Variants in NRXN1 observed in about 807,000 individuals in gnomAD.
The protein encoded by NRXN1 is neurexin-1.
A neutral mutation model predicts 150.9 loss-of-function variants in NRXN1; 39 were observed. The ratio of observed to expected loss-of-function variants is 0.26; its 90% CI spans 0.20 to 0.34. The LOEUF (loss-of-function observed/expected upper bound fraction) is 0.34, where lower values mean the gene tolerates loss of function less well. Among genes scored for constraint, NRXN1 ranks in the 10% least tolerant of loss-of-function variants. The pLI is 1.00. For synonymous variants in NRXN1, 924 were observed against 757.0 expected, an observed-to-expected ratio of 1.22 and a Z score of -3.62; for missense variants, 1,815 against 1,949.9, an observed-to-expected ratio of 0.93 and a Z score of 1.30.
chr2:50,955,931 G>A (rs532546934), intron 2 of NRXN1, among the ~76,000 whole-genome samples: 3 of 152,224 alleles, frequency 2.0e-5, no homozygotes, highest in Non-Finnish European at 4.4e-5. Context: ...AGAGTCTGCC[G>A]GGCAGCAGCT....
chr2:50,132,300 A>G (rs2152748520), intron 18 of NRXN1, among the ~76,000 whole-genome samples: 1 of 132,994 alleles, frequency 7.5e-6, no homozygotes, highest in African/African-American at 2.7e-5. Context: ...TTTATGTCCC[A>G]AAACTCTTTT....
chr2:50,902,680 TG>T (rs1168576991), intron 5 of NRXN1, among the ~76,000 whole-genome samples: 10 of 152,118 alleles, frequency 6.6e-5, no homozygotes, highest in African/African-American at 2.4e-4. Flanking sequence ...TTGACCTTAG[TG>T]GGGAGCTTTA....
chr2:50,898,590 G>A (rs1274884445), intron 5 of NRXN1: 1 of 488,974 alleles, frequency 2.0e-6, no homozygotes, highest in Non-Finnish European at 4.1e-6. Context: ...GCTCTTCCTA[G>A]GATTCAACTT....
At chr2:50,847,857 T>C (rs572890483) in intron 5 of NRXN1, among the ~76,000 whole-genome samples, 1 of 152,208 alleles carries the variant, frequency 6.6e-6, no homozygotes, top group East Asian at 1.9e-4. Context: ...AGAGTCCGGC[T>C]GCAAAGCGGC....
intron 17 of NRXN1, among the ~76,000 whole-genome samples, chr2:50,352,130 T>A (rs1318068596): frequency 1.3e-5 from 2 of 152,116 alleles, no homozygotes; most frequent in African/African-American, 4.8e-5. Context: ...CCTGATGATT[T>A]ATCATGAACA....
At chr2:49,971,268 G>T (rs569087315) in intron 21 of NRXN1, among the ~76,000 whole-genome samples, 1 of 152,172 alleles carries the variant, frequency 6.6e-6, no homozygotes, top group South Asian at 2.1e-4. Context: ...AGATGCTGTG[G>T]TATGAACACA....
At chr2:50,305,241 G>A (rs1316602014) in intron 17 of NRXN1, among the ~76,000 whole-genome samples, 1 of 152,154 alleles carries the variant, frequency 6.6e-6, no homozygotes, top group East Asian at 1.9e-4. Flanking sequence ...AAACAGAAAC[G>A]AGTTACAGAG....
At chr2:50,756,187 G>T (rs1188614630) in intron 5 of NRXN1, among the ~76,000 whole-genome samples, 2 of 151,568 alleles carry the variant, frequency 1.3e-5, no homozygotes, top group African/African-American at 4.8e-5. Context: ...TATCTCCTTA[G>T]CAATGAGAGA....
At chr2:49,980,012 T>C (rs1426846864) in intron 21 of NRXN1, among the ~76,000 whole-genome samples, 1 of 151,984 alleles carries the variant, frequency 6.6e-6, no homozygotes, top group Non-Finnish European at 1.5e-5. Flanking sequence ...AAAACATCTG[T>C]GGCCCCAGGC....
At chr2:50,721,875 C>T (rs902418401) in intron 5 of NRXN1, among the ~76,000 whole-genome samples, 2 of 151,820 alleles carry the variant, frequency 1.3e-5, no homozygotes, top group Admixed American at 6.6e-5. Flanking sequence ...AACAACTTCC[C>T]GAAACTAGTG....
rs898696539 is a variant in NRXN1, at chr2:50,701,167, GATA to G, written c.833-77555_833-77553del. 1.6e-3 allele frequency among the ~76,000 whole-genome samples: 246 copies of G among 152,146 alleles called. 1 individual carries two copies. The highest frequency in any genetic ancestry group is 5.7e-3 in the African/African-American group (238 of 41,508). On this transcript the variant is annotated intron_variant, in intron 5 of 22. Transcript: ENST00000401669. ...ACCTTGTCTATTACATTTTTGAACA[GATA>G]ATATTTCTACTATCTAATTTTTTAA...
At chr2:50,882,568 A>G (rs1679609726) in intron 5 of NRXN1, among the ~76,000 whole-genome samples, 1 of 151,832 alleles carries the variant, frequency 6.6e-6, no homozygotes, top group African/African-American at 2.4e-5. Context: ...AGCAAACCAT[A>G]AAAAGTTTTA....
chr2:50,385,834 G>C (rs944898113), intron 17 of NRXN1, among the ~76,000 whole-genome samples: 1 of 151,680 alleles, frequency 6.6e-6, no homozygotes, highest in African/African-American at 2.4e-5. Context: ...AATAAAAAAC[G>C]TCAACCTTAA....
rs74518165 is a variant in NRXN1 at position 50,640,806 on chromosome 2, G to C, written c.833-17191C>G. On this transcript the variant is annotated intron_variant, in intron 5 of 22. Transcript: ENST00000401669. ...AATTTTTTCTAAATTTATGATCGTA[G>C]CCTATCTCTAAAACTCATTGTACAA... 9.1e-4 allele frequency among the ~76,000 whole-genome samples: 138 copies of C among 152,194 alleles called. 1 individual carries two copies. In the East Asian group the frequency reaches 0.025, roughly 27 times the overall value.
intron 18 of NRXN1, among the ~76,000 whole-genome samples, chr2:50,197,940 A>G (rs1574448871): frequency 1.3e-5 from 2 of 152,162 alleles, no homozygotes; most frequent in African/African-American, 4.8e-5. Context: ...CCTTCAACAG[A>G]AAAAGAAATT....
At chr2:50,705,152 C>T (rs1406888716) in intron 5 of NRXN1, among the ~76,000 whole-genome samples, 1 of 151,596 alleles carries the variant, frequency 6.6e-6, no homozygotes, top group Non-Finnish European at 1.5e-5. Flanking sequence ...ATCTAGTTTG[C>T]TGATAAGTTG....
At chr2:49,947,503 C>CTTTTTTT (rs376145888) in intron 21 of NRXN1, among the ~76,000 whole-genome samples, 13 of 134,068 alleles carry the variant, frequency 9.7e-5, no homozygotes, top group South Asian at 2.4e-4. Flanking sequence ...TTTTTTCTTT[C>CTTTTTTT]TTTTTTTTTT....
intron 17 of NRXN1, among the ~76,000 whole-genome samples, chr2:50,248,641 C>A (rs2066737974): frequency 6.6e-6 from 1 of 152,120 alleles, no homozygotes; most frequent in African/African-American, 2.4e-5. Flanking sequence ...TCATTTAATT[C>A]TTTTATCATA....
intron 12 of NRXN1, among the ~76,000 whole-genome samples, chr2:50,518,578 G>T (rs1445138440): frequency 6.6e-6 from 1 of 151,840 alleles, no homozygotes; most frequent in Non-Finnish European, 1.5e-5. Flanking sequence ...TATGGGTCCT[G>T]AGCATTTGGA....
Sources: allele counts gnomAD v4.1 joint callset (sites outside exome capture counted in the v4.1 genomes callset), GRCh38; gene constraint gnomAD v4.1.1; transcripts MANE v1.5; gene names NCBI Gene and HGNC (gene_info 2026-07-23, HGNC 2026-07-21).